The following HGS variants were observed in gnomAD, a reference collection of about 807,000 sequenced individuals.
The protein encoded by HGS is human growth factor-regulated tyrosine kinase substrate.
A neutral mutation model predicts 109.7 loss-of-function variants in HGS; 63 were observed. The observed-to-expected ratio is 0.57, with a 90% CI of 0.47 to 0.71. HGS has a LOEUF of 0.71. Among genes scored for constraint, HGS ranks in the 30% least tolerant of loss-of-function variants. The pLI, the probability that HGS is intolerant of heterozygous loss-of-function variation, is 0.00. For synonymous variants in HGS, 546 were observed against 437.3 expected (o/e 1.25, Z -3.10); for missense variants, 995 against 1,068.3 (o/e 0.93, Z 0.96).
intron 7 of HGS, 130 bp downstream of exon 7, chr17:81,690,872 G>A (rs568730727): frequency 1.1e-4 from 79 of 727,798 alleles, no homozygotes; most frequent in African/African-American, 9.8e-4. Flanking sequence ...AGCTCGCAGC[G>A]GGTGGCAGTG....
In HGS at chr17:81,691,112, A is replaced by G. The variant is rs1428998222; in HGVS notation, c.538-335A>G. On this transcript the variant is annotated intron_variant, in intron 7 of 21. Transcript: ENST00000329138. The surrounding 1 kb of genome is among the most constrained non-coding windows in gnomAD (Gnocchi z 5.3). ...CATCAAAACCCCCTCCAGGCTGGCA[A>G]CCGGCAGTGCTTGGGGTTTGGGGTG... 1.7e-5 allele frequency: 7 copies of G among 421,374 alleles called. No homozygotes were observed. The allele number at this position is 421,374 out of a possible 1,614,324, so 26.1% of individuals were successfully genotyped here.
rs201943246 is a variant in HGS, at chr17:81,695,780, C to T, written c.1180-6C>T. On this transcript the variant is annotated splice_polypyrimidine_tract_variant and splice_region_variant and intron_variant, in intron 14 of 21. Transcript: ENST00000329138. ...GCACTCATCCAGAACCCTGCTCTGC[C>T]TGCAGCCACAGTTCCACAATGGCGA... 5 of 1,613,150 alleles carry T rather than the reference C, an allele frequency of 3.1e-6. No homozygotes were observed. Among genetic ancestry groups the T allele is most frequent in the Non-Finnish European group, 8.5e-7 (1 of 1,179,938 alleles).
chr17:81,689,772 C>T (rs964120517), intron 5 of HGS, among the ~76,000 whole-genome samples: 13 of 152,202 alleles, frequency 8.5e-5, no homozygotes, highest in African/African-American at 2.4e-4. Flanking sequence ...GGTCTGTGCT[C>T]CTGTCTCCTT....
At chr17:81,690,624 G>A in intron 6 of HGS, 50 bp from the exon 7 acceptor site, 2 of 1,566,386 alleles carry the variant, frequency 1.3e-6, no homozygotes, top group African/African-American at 1.4e-5. Flanking sequence ...CTGTGCCTCT[G>A]GGGCTGGTGG....
At chr17:81,700,973 T>C in intron 20 of HGS, 72 bp from the exon 21 acceptor site, 1 of 1,551,968 alleles carries the variant, frequency 6.4e-7, no homozygotes, top group Admixed American at 1.7e-5. Flanking sequence ...TTTGGATTGT[T>C]GCAAGCCAGA....
chr17:81,687,219 T>C (rs973654047), intron 4 of HGS, 124 bp downstream of exon 4: 3 of 695,738 alleles, frequency 4.3e-6, no homozygotes, highest in Non-Finnish European at 7.6e-6. Flanking sequence ...TGCAGATCGG[T>C]GGTCCCTGCA....
intron 5 of HGS, among the ~76,000 whole-genome samples, chr17:81,689,529 G>C: frequency 6.6e-6 from 1 of 152,296 alleles, no homozygotes; most frequent in Admixed American, 6.5e-5. Context: ...AGAGAGGTGG[G>C]CATGGCTGCT....
intron 18 of HGS, among the ~76,000 whole-genome samples, chr17:81,699,441 T>A (rs1022210557): frequency 6.6e-6 from 1 of 152,236 alleles, no homozygotes; most frequent in Admixed American, 6.5e-5. Context: ...TATCTTCTTT[T>A]TTGAGACGAA....
In HGS at chr17:81,696,865, C is replaced by T. The variant is rs1182997707; in HGVS notation, c.1749C>T (p.Pro583=). The T allele has an allele frequency of 1.2e-6, 2 of 1,611,080 alleles. No individual in the cohort carries two copies. Among genetic ancestry groups the T allele is most frequent in the Non-Finnish European group, 8.5e-7 (1 of 1,179,770 alleles). The change falls in exon 18 of 22, where the codon CCC becomes CCT. Residue 583 remains proline (P), a synonymous_variant. Coordinates refer to ENST00000329138, the MANE Select transcript of HGS (RefSeq NM_004712.5). ...CAGCCGGAGGTGTGCTCTACCAGCC[C>T]TCGGGACCAGCCAGCTTCCCCAGCA... The part of the protein sequence containing the change: ...MPAAGGVLYQ[P]SGPASFPSTF...
intron 15 of HGS, 165 bp from the exon 16 acceptor site, chr17:81,696,192 C>CCTGCT: frequency 9.8e-7 from 1 of 1,024,812 alleles, no homozygotes; most frequent in South Asian, 1.7e-5. Context: ...CCTGCCCTGC[C>CCTGCT]CTGCCCTGCC....
chr17:81,700,359 CTCCA>C, intron 18 of HGS, 104 bp from the exon 19 acceptor site: 1 of 1,163,712 alleles, frequency 8.6e-7, no homozygotes, highest in Non-Finnish European at 1.2e-6. Flanking sequence ...CAGAGCAGGA[CTCCA>C]TCTCAAAAAA....
chr17:81,695,733 G>T (rs548946323), intron 14 of HGS, 53 bp from the exon 15 acceptor site: 92 of 1,570,606 alleles, frequency 5.9e-5, no homozygotes, highest in Non-Finnish European at 6.9e-5. Context: ...GCCCCACCAG[G>T]GAGGCTGGCT....
At chr17:81,690,391 T>C (rs1229905948) in intron 6 of HGS, 157 bp downstream of exon 6, 3 of 800,538 alleles carry the variant, frequency 3.7e-6, no homozygotes, top group Admixed American at 2.3e-5. Context: ...GCGTAGCAGC[T>C]GTCTCTGCAG....
chr17:81,699,997 C>A (rs547917126), intron 18 of HGS, among the ~76,000 whole-genome samples: 98 of 151,606 alleles, frequency 6.5e-4, no homozygotes, highest in South Asian at 3.1e-3. Context: ...ATTGCTTCAA[C>A]CCAGGAAGCA....
In HGS at chr17:81,690,164, A is replaced by G. The variant is rs118146126; in HGVS notation, c.416-18A>G. Reference sequence around the variant, plus strand: ...GGCCAGGTGGGAGCAGGCAGTGACTATGGCTTCATCTCTCCAGGGCACGTC... The same window carrying G: ...GGCCAGGTGGGAGCAGGCAGTGACTGTGGCTTCATCTCTCCAGGGCACGTC... On this transcript the variant is annotated intron_variant, in intron 5 of 21. Transcript: ENST00000329138. 32,520 of 1,611,134 alleles carry G rather than the reference A, an allele frequency of 0.02. 563 individuals carry two copies. The highest frequency in any genetic ancestry group is 0.081 in the East Asian group (3,643 of 44,746).
chr17:81,688,976 G>A (rs1409076378), intron 5 of HGS, 149 bp downstream of exon 5: 5 of 1,098,458 alleles, frequency 4.6e-6, no homozygotes, highest in South Asian at 3.0e-5. Context: ...AGGGAAGACC[G>A]TGCATGTGAG....
intron 18 of HGS, among the ~76,000 whole-genome samples, chr17:81,699,247 C>T (rs1255602859): frequency 1.3e-5 from 2 of 152,218 alleles, no homozygotes; most frequent in Non-Finnish European, 2.9e-5. Context: ...TGGAGTGTAA[C>T]ATTTGTCTGT....
chr17:81,700,644 C>A, intron 19 of HGS, 44 bp downstream of exon 19: 2 of 1,569,262 alleles, frequency 1.3e-6, no homozygotes, highest in African/African-American at 1.4e-5. Flanking sequence ...CCAGCCCCAG[C>A]CCCAGCCCCA....
Position 81,701,693 on chromosome 17 carries a change from C to A in HGS, c.*75C>A, listed in dbSNP as rs566935144. On this transcript the variant is annotated 3_prime_UTR_variant, in exon 22 of 22. Transcript: ENST00000329138. ...ACGCCTCGTCTCTAACTGCCGTCGT[C>A]CTGCCTCCCTGTCCTCTACTGCCGG... 2.8e-4 allele frequency: 420 copies of A among 1,498,086 alleles called. No homozygotes were observed. The highest frequency in any genetic ancestry group is 3.4e-4 in the Middle Eastern group (2 of 5,828). 92.8% of individuals were successfully genotyped at this position (1,498,086 alleles called of 1,614,324 possible). A position where few individuals can be genotyped will look rare whatever the true frequency, so the allele number is the denominator to read the frequency against.
Sources: allele counts gnomAD v4.1 joint callset (sites outside exome capture counted in the v4.1 genomes callset), GRCh38; gene constraint gnomAD v4.1.1; non-coding constraint Gnocchi (gnomAD v3.1); transcripts MANE v1.5; gene names NCBI Gene and HGNC (gene_info 2026-07-23, HGNC 2026-07-21).